The following MYPOP variants were observed in gnomAD, a reference collection of about 807,000 sequenced individuals.
The protein encoded by MYPOP is myb-related transcription factor, partner of profilin.
A neutral mutation model predicts 25.7 loss-of-function variants in MYPOP; 21 were observed. That is an observed-to-expected ratio of 0.82 (90% CI 0.58 to 1.18). MYPOP has a LOEUF of 1.18. Ranked by LOEUF, MYPOP falls within the 50% of genes most tolerant of loss-of-function variation. The pLI, the probability that MYPOP is intolerant of heterozygous loss-of-function variation, is 0.00. For synonymous variants in MYPOP, 280 were observed against 247.9 expected (o/e 1.13, Z -1.22); for missense variants, 566 against 588.3 (o/e 0.96, Z 0.39).
In MYPOP at chr19:45,901,514, G is replaced by C. The variant is rs1967293551; in HGVS notation, c.260C>G (p.Thr87Ser). 2 of 1,611,698 alleles carry C rather than the reference G, an allele frequency of 1.2e-6. No homozygotes were observed. The highest frequency in any genetic ancestry group is 1.7e-6 in the Non-Finnish European group (2 of 1,179,428). Residue 87 changes from threonine to serine, a missense_variant, in exon 2 of 3, where the codon ACC becomes AGC. Thr to Ser is a moderately conservative substitution (Grantham distance 58). Transcript: ENST00000322217. The surrounding 1 kb of genome is among the most constrained non-coding windows in gnomAD (Gnocchi z 5.7). ...CGGCACGCGAGCGAGCTTCTCCTTGGTGCGGCGCTTGAAGTCGTTCCAGCG... is the reference window on the plus strand; with the variant it reads ...CGGCACGCGAGCGAGCTTCTCCTTGCTGCGGCGCTTGAAGTCGTTCCAGCG... ...QKRWNDFKRRTKEKLARVPHS... is the reference protein window; with the variant it reads ...QKRWNDFKRRSKEKLARVPHS...
intron 2 of MYPOP, among the ~76,000 whole-genome samples, chr19:45,895,630 C>T (rs1050270915): frequency 3.9e-5 from 6 of 151,922 alleles, no homozygotes; most frequent in African/African-American, 1.2e-4. Flanking sequence ...GTTTACCCGG[C>T]GCCTAGAACA....
At chr19:45,900,388 T>A (rs1967269509) in intron 2 of MYPOP, among the ~76,000 whole-genome samples, 1 of 152,128 alleles carries the variant, frequency 6.6e-6, no homozygotes, top group South Asian at 2.1e-4. Context: ...TCCCAGTTCT[T>A]CATTCTTACT....
intron 2 of MYPOP, among the ~76,000 whole-genome samples, chr19:45,899,903 C>T (rs752006329): frequency 1.3e-5 from 2 of 152,126 alleles, no homozygotes; most frequent in African/African-American, 2.4e-5. Flanking sequence ...TTCCAAGCCA[C>T]GTGTAATCTA....
At chr19:45,896,140 A>C (rs1389886143) in intron 2 of MYPOP, among the ~76,000 whole-genome samples, 2 of 151,900 alleles carry the variant, frequency 1.3e-5, no homozygotes, top group African/African-American at 4.8e-5. Flanking sequence ...AAAATACAAA[A>C]ATTAGCCGGG....
intron 2 of MYPOP, among the ~76,000 whole-genome samples, chr19:45,894,591 T>C (rs1967175653): frequency 6.6e-6 from 1 of 152,134 alleles, no homozygotes; most frequent in Non-Finnish European, 1.5e-5. Context: ...TTTTATTTTT[T>C]TGTAGAGATG....
intron 2 of MYPOP, among the ~76,000 whole-genome samples, chr19:45,897,068 C>CT (rs34935070): frequency 0.089 from 12,716 of 142,818 alleles, 1,240 homozygotes; most frequent in African/African-American, 0.24. Flanking sequence ...AGTCCATGGC[C>CT]TTTTTTTTTT....
At chr19:45,893,486 T>A (rs1967154068) in intron 2 of MYPOP, among the ~76,000 whole-genome samples, 1 of 149,882 alleles carries the variant, frequency 6.7e-6, no homozygotes, top group Non-Finnish European at 1.5e-5. Flanking sequence ...GAGAATCGCT[T>A]GAACCCGGGA....
chr19:45,898,707 C>T (rs866764300), intron 2 of MYPOP, among the ~76,000 whole-genome samples: 4 of 152,132 alleles, frequency 2.6e-5, no homozygotes, highest in Admixed American at 1.3e-4. Context: ...TCTAGTCTAG[C>T]AGGAGTGCCC....
At position 45,890,714 on chromosome 19, in the gene MYPOP, G is replaced by A; in HGVS notation, c.1109C>T (p.Pro370Leu). The A allele has an allele frequency of 1.3e-6, 2 of 1,561,498 alleles. No individual in the cohort carries two copies. The highest frequency in any genetic ancestry group is 1.7e-6 in the Non-Finnish European group (2 of 1,149,972). ...GGAGTCGTGCGGAGGGAGCGGGGCT[G>A]GGGGGGGCCGGGGTGCCCCCTCCTC... ...RSEEGAPRPPPAPLPPHDSPP... is the reference protein window; with the variant it reads ...RSEEGAPRPPLAPLPPHDSPP... Residue 370 changes from proline (P) to leucine (L), a missense_variant, in exon 3 of 3, where the codon CCA becomes CTA. Pro to Leu is a moderately conservative substitution (Grantham distance 98, BLOSUM62 -3). Coordinates refer to ENST00000322217, the MANE Select transcript of MYPOP (RefSeq NM_001012643.4).
intron 2 of MYPOP, among the ~76,000 whole-genome samples, chr19:45,899,129 G>A (rs1302284550): frequency 6.6e-6 from 1 of 152,224 alleles, no homozygotes; most frequent in Non-Finnish European, 1.5e-5. Context: ...GGGAGGATGA[G>A]GCAGGAGAAT....
At chr19:45,896,013 C>T (rs1015881009) in intron 2 of MYPOP, among the ~76,000 whole-genome samples, 11 of 152,130 alleles carry the variant, frequency 7.2e-5, no homozygotes, top group African/African-American at 2.4e-4. Flanking sequence ...CCATCCAGGC[C>T]GGGTGCGGTG....
In MYPOP at chr19:45,891,281, G is replaced by T; in HGVS notation, c.542C>A (p.Pro181Gln). 1 of 1,546,858 alleles carries T rather than the reference G, an allele frequency of 6.5e-7. No individual in the cohort carries two copies. The highest frequency in any genetic ancestry group is 1.9e-5 in the Admixed American group (1 of 51,686). The change falls in exon 3 of 3, where the codon CCA (proline) becomes CAA (glutamine). Residue 181 changes from proline to glutamine, a missense_variant. By Grantham distance (76) the Pro-to-Gln change is moderately conservative (BLOSUM62 -1). Coordinates refer to ENST00000322217, the MANE Select transcript of MYPOP (RefSeq NM_001012643.4). ...GGGAGTGCAGGAGGGCCGGGCCCAT[G>T]GCTCCGGGCTGCTGGAGCCCGCCTT... ...HSKAGSSSPE[P>Q]WARPSCTPQE... is the part of the protein sequence containing the mutation.
intron 2 of MYPOP, among the ~76,000 whole-genome samples, chr19:45,897,955 G>A (rs1967230018): frequency 1.4e-5 from 2 of 144,764 alleles, no homozygotes; most frequent in African/African-American, 2.6e-5. Context: ...ACGGAGTCTC[G>A]CTCTGTCACC....
At chr19:45,896,453 C>T (rs1967205805) in intron 2 of MYPOP, among the ~76,000 whole-genome samples, 1 of 152,134 alleles carries the variant, frequency 6.6e-6, no homozygotes, top group African/African-American at 2.4e-5. Context: ...GGCTAAGCTC[C>T]CCTCTTAAGT....
At chr19:45,894,450 C>T (rs1415873941) in intron 2 of MYPOP, among the ~76,000 whole-genome samples, 3 of 149,322 alleles carry the variant, frequency 2.0e-5, no homozygotes, top group Non-Finnish European at 4.5e-5. Flanking sequence ...GTCTTGCTCT[C>T]TCGCTCAGGC....
chr19:45,896,618 C>CTTT (rs760658668), intron 2 of MYPOP, among the ~76,000 whole-genome samples: 4 of 134,790 alleles, frequency 3.0e-5, no homozygotes, highest in African/African-American at 5.4e-5. Flanking sequence ...AGAGTCCATT[C>CTTT]TTTTTTTTTT....
intron 2 of MYPOP, among the ~76,000 whole-genome samples, chr19:45,899,007 A>G (rs1412972597): frequency 6.6e-6 from 1 of 152,066 alleles, no homozygotes; most frequent in Non-Finnish European, 1.5e-5. Context: ...CGGGCAGATC[A>G]CCTGAGGTCG....
chr19:45,893,192 T>C (rs535125295), intron 2 of MYPOP, among the ~76,000 whole-genome samples: 40 of 152,172 alleles, frequency 2.6e-4, no homozygotes, highest in African/African-American at 9.2e-4. Flanking sequence ...GGAGAATCGC[T>C]TGAACCCGGG....
intron 2 of MYPOP, among the ~76,000 whole-genome samples, chr19:45,892,571 G>A (rs1485241821): frequency 6.6e-6 from 1 of 152,048 alleles, no homozygotes; most frequent in Admixed American, 6.6e-5. Flanking sequence ...AAACTCACTT[G>A]CTCGGAGCTG....
Sources: gnomAD v4.1 joint callset for allele counts (sites outside exome capture counted in the v4.1 genomes callset) on GRCh38, gnomAD v4.1.1 for gene constraint, Gnocchi (gnomAD v3.1) non-coding constraint, MANE v1.5 for transcripts, NCBI Gene and HGNC (gene_info 2026-07-23, HGNC 2026-07-21) for gene names.